The following WDR33 variants were observed in gnomAD, a reference collection of about 807,000 sequenced individuals.
The protein encoded by WDR33 is WD repeat domain 33.
WDR33 carries 47 observed loss-of-function variants against 164.9 expected under a neutral mutation model. That is an observed-to-expected ratio of 0.29 (90% CI 0.23 to 0.36). The LOEUF is 0.36. WDR33 is among the 10% of genes least tolerant of loss of function. The pLI is 1.00. For synonymous variants in WDR33, 505 were observed against 589.0 expected (o/e 0.86, Z 2.06); for missense variants, 1,137 against 1,754.1 (o/e 0.65, Z 6.28).
chr2:127,731,227 G>A (rs1400639460), intron 7 of WDR33, among the ~76,000 whole-genome samples: 16 of 150,208 alleles, frequency 1.1e-4, no homozygotes, highest in African/African-American at 3.0e-4. Context: ...CCAGGGAGGC[G>A]GAGGTTGCAG....
intron 1 of WDR33, among the ~76,000 whole-genome samples, chr2:127,808,315 G>A (rs1387962988): frequency 1.3e-5 from 2 of 152,246 alleles, no homozygotes; most frequent in East Asian, 3.9e-4. Flanking sequence ...ATATAAAAAA[G>A]GTAGTTAATG....
At chr2:127,734,610 T>C (rs1463118344) in intron 7 of WDR33, among the ~76,000 whole-genome samples, 1 of 152,232 alleles carries the variant, frequency 6.6e-6, no homozygotes, top group African/African-American at 2.4e-5. Context: ...TAAATGTGCA[T>C]GATGCCAACG....
At chr2:127,805,675 G>C (rs1426504844) in intron 1 of WDR33, among the ~76,000 whole-genome samples, 1 of 151,996 alleles carries the variant, frequency 6.6e-6, no homozygotes, top group African/African-American at 2.4e-5. Context: ...CCAAGAAGAT[G>C]AATAAGGCTT....
chr2:127,765,401 A>G, intron 4 of WDR33, 132 bp from the exon 5 acceptor site: 1 of 679,748 alleles, frequency 1.5e-6, no homozygotes, highest in South Asian at 1.9e-5. Flanking sequence ...AATGTAGCTC[A>G]GCTTTATCAG....
rs1237987407 is a variant in WDR33, at chr2:127,720,048, C to G, written c.1977G>C (p.Gln659His). 1.9e-6 allele frequency: 3 copies of G among 1,613,978 alleles called. No individual in the cohort carries two copies. The highest frequency in any genetic ancestry group is 2.5e-6 in the Non-Finnish European group (3 of 1,180,028). The change falls in exon 16 of 22, where the codon CAG becomes CAC. Residue 659 changes from glutamine to histidine, a missense_variant. Gln to His is a conservative substitution (Grantham distance 24). Around this residue, in one of 9 missense-constraint regions of WDR33, gnomAD observed 867 missense variants for 1,073.0 expected, o/e 0.81. Transcript: ENST00000322313. The surrounding 1 kb of genome is among the most constrained non-coding windows in gnomAD (Gnocchi z 5.9). ...GCCGTGGCAACCCCTGGGGCGGGCC[C>G]TGGGGCCCCTGTGGTCCCATGAATC... ...PQGFMGPQGP[Q>H]GPPQGLPRPQ...
At chr2:127,786,766 C>A (rs78604485) in intron 1 of WDR33, among the ~76,000 whole-genome samples, 3,926 of 150,734 alleles carry the variant, frequency 0.026, 174 homozygotes, top group African/African-American at 0.09. Flanking sequence ...TAGAAGCTTT[C>A]TTGTAGATTC....
chr2:127,777,156 A>G (rs577979779), intron 1 of WDR33, among the ~76,000 whole-genome samples: 1 of 152,380 alleles, frequency 6.6e-6, no homozygotes, highest in Admixed American at 6.5e-5. Context: ...TGCTAAGGAC[A>G]AGAATCTGTG....
chr2:127,732,323 G>A (rs1218641702), intron 7 of WDR33, among the ~76,000 whole-genome samples: 1 of 151,392 alleles, frequency 6.6e-6, no homozygotes, highest in African/African-American at 2.4e-5. Flanking sequence ...TTTTGAGACA[G>A]GGTTGCACTC....
In WDR33 at chr2:127,701,606, G is replaced by A. The variant is rs777574364; in HGVS notation, c.*4717C>T. ...GCGGCCCGGCGGCCGCGGAGCCGCT[G>A]CTCGCCGCGGAGAAGGCGGAGGAGC... is the stretch of plus-strand genomic sequence containing the variant. On this transcript the variant is annotated 3_prime_UTR_variant, in exon 22 of 22. Coordinates refer to ENST00000322313, the MANE Select transcript of WDR33 (RefSeq NM_018383.5). 3.0e-6 allele frequency: 4 copies of A among 1,347,352 alleles called. No homozygotes were observed. The highest frequency in any genetic ancestry group is 3.8e-5 in the South Asian group (2 of 52,958). The allele number at this position is 1,347,352 out of a possible 1,614,324, so 83.5% of individuals were successfully genotyped here. A position where few individuals can be genotyped will look rare whatever the true frequency, so the allele number is the denominator to read the frequency against.
At position 127,735,533 on chromosome 2, in the gene WDR33, G is replaced by T. The variant is rs1686816903; in HGVS notation, c.725-8756C>A. The T allele has an allele frequency of 4.1e-6, 4 of 985,246 alleles. No homozygotes were observed. The South Asian group carries it at 1.9e-4, about 46-fold the overall frequency. The allele number at this position is 985,246 out of a possible 1,614,324, so 61.0% of individuals were successfully genotyped here. On this transcript the variant is annotated intron_variant, in intron 7 of 21. Coordinates refer to ENST00000322313, the MANE Select transcript of WDR33 (RefSeq NM_018383.5). The surrounding 1 kb of genome is among the most constrained non-coding windows in gnomAD (Gnocchi z 4.3). The stretch of plus-strand genomic sequence containing the variant: ...AAAGCACCAAGATTTTCTAATACAG[G>T]AAGAAAAAAGGCAAACAAAGAATTC...
At chr2:127,787,116 T>G (rs1438778872) in intron 1 of WDR33, among the ~76,000 whole-genome samples, 57 of 91,746 alleles carry the variant, frequency 6.2e-4, no homozygotes, top group Admixed American at 1.2e-3. Context: ...TGCACCGCCC[T>G]TAATCCATTT....
chr2:127,811,049 A>G lies in WDR33; in HGVS notation c.-61T>C, dbSNP rs1275324507. 6.5e-6 allele frequency: 1 copy of G among 152,688 alleles called. No individual in the cohort carries two copies. The highest frequency in any genetic ancestry group is 1.5e-5 in the Non-Finnish European group (1 of 68,046). The allele number at this position is 152,688 out of a possible 1,614,324, so 9.5% of individuals were successfully genotyped here. ...AGCAGAGCTCCTAAATGGCCAGCGA[A>G]GCGTTCGCCTTCAGAGCCAGAAATG... On this transcript the variant is annotated 5_prime_UTR_variant, in exon 1 of 22. Coordinates refer to ENST00000322313, the MANE Select transcript of WDR33 (RefSeq NM_018383.5). This position sits in a 1 kb window ranked among gnomAD's most constrained non-coding sequence, Gnocchi z 4.1.
intron 7 of WDR33, among the ~76,000 whole-genome samples, chr2:127,761,836 G>A (rs1687687319): frequency 6.6e-6 from 1 of 152,208 alleles, no homozygotes; most frequent in African/African-American, 2.4e-5. Flanking sequence ...CAATGTGACA[G>A]GTTCCCTATT....
chr2:127,753,329 T>C (rs1006862139), intron 7 of WDR33, among the ~76,000 whole-genome samples: 4 of 152,274 alleles, frequency 2.6e-5, no homozygotes, highest in Non-Finnish European at 5.9e-5. Context: ...AAACAAGTAG[T>C]CATATTTATA....
At chr2:127,743,330 G>A (rs760434293) in intron 7 of WDR33, among the ~76,000 whole-genome samples, 3 of 152,078 alleles carry the variant, frequency 2.0e-5, no homozygotes, top group Non-Finnish European at 4.4e-5. Flanking sequence ...ATTAAACTAT[G>A]GCATTATTTT....
chr2:127,762,799 A>G, intron 7 of WDR33: 1 of 1,256,206 alleles, frequency 8.0e-7, no homozygotes, highest in African/African-American at 1.5e-5. Flanking sequence ...GCCCTAAAAG[A>G]TGCATACAGA....
rs57883631 is a variant in WDR33, at chr2:127,756,334, C to CA, written c.724+6727dup. ...GGGCAACAGAGCAAGATTCCAACTC[C>CA]AAAAAAAAAAAAAAAGGTAATTAAA... On this transcript the variant is annotated intron_variant, in intron 7 of 21. Coordinates refer to ENST00000322313, the MANE Select transcript of WDR33 (RefSeq NM_018383.5). 1.8e-3 allele frequency among the ~76,000 whole-genome samples: 195 copies of CA among 109,574 alleles called. 1 individual carries two copies. The highest frequency in any genetic ancestry group is 2.6e-3 in the Non-Finnish European group (133 of 51,936). The allele number at this position is 109,574 out of a possible 152,430, so 71.9% of individuals were successfully genotyped here. A position where few individuals can be genotyped will look rare whatever the true frequency, so the allele number is the denominator to read the frequency against.
At chr2:127,789,670 C>T (rs1053210713) in intron 1 of WDR33, among the ~76,000 whole-genome samples, 1 of 151,960 alleles carries the variant, frequency 6.6e-6, no homozygotes, top group African/African-American at 2.4e-5. Context: ...CCGCATCTTC[C>T]TTTCTGTTCT....
rs896437458 is a variant in WDR33 at position 127,723,956 on chromosome 2, A to G, written c.1196+377T>C. ...GCCAGGTGTGGTGGTGTGCTCCTAT[A>G]GTCTCAGCTACTCAGGAGGCTGAGG... On this transcript the variant is annotated intron_variant, in intron 11 of 21. Transcript: ENST00000322313. The surrounding 1 kb of genome is among the most constrained non-coding windows in gnomAD (Gnocchi z 5.9). 2.6e-5 allele frequency among the ~76,000 whole-genome samples: 4 copies of G among 152,102 alleles called. No individual in the cohort carries two copies. Among genetic ancestry groups the G allele is most frequent in the Non-Finnish European group, 5.9e-5 (4 of 68,016 alleles).
Sources: gnomAD v4.1 joint callset for allele counts (sites outside exome capture counted in the v4.1 genomes callset) on GRCh38, gnomAD v4.1.1 for gene constraint, gnomAD v4.1.1 regional missense constraint, Gnocchi (gnomAD v3.1) non-coding constraint, MANE v1.5 for transcripts, NCBI Gene and HGNC (gene_info 2026-07-23, HGNC 2026-07-21) for gene names.